Variants in SLA2 observed in about 807,000 individuals in gnomAD.
SLA2 encodes Src like adaptor 2, also known as src-like-adapter 2.
In SLA2, 22 loss-of-function variants were observed where a neutral mutation model predicts 27.3. That is an observed-to-expected ratio of 0.81 (90% CI 0.58 to 1.15). The LOEUF (loss-of-function observed/expected upper bound fraction) is 1.15. SLA2 is among the 50% of genes most tolerant of loss of function. The pLI is 0.00. For missense variants in SLA2, 304 were observed against 322.2 expected (o/e 0.94, Z 0.43); for synonymous variants, 131 against 137.8 (o/e 0.95, Z 0.34).
chr20:36,634,441 G>T, intron 3 of SLA2, 49 bp downstream of exon 3: 1 of 1,371,460 alleles, frequency 7.3e-7, no homozygotes, highest in East Asian at 2.4e-5. Flanking sequence ...ACACCACCAT[G>T]CCTGGCTCTA....
At chr20:36,641,553 C>T (rs1434992697) in intron 1 of SLA2, among the ~76,000 whole-genome samples, 175 bp from the exon 2 acceptor site, 4 of 152,130 alleles carry the variant, frequency 2.6e-5, no homozygotes, top group East Asian at 1.9e-4. Context: ...GCACATTGGA[C>T]GCTGTTTTCT....
rs1978285598 is a variant in SLA2, at chr20:36,643,887, G to A, written c.-44+1950C>T. Among the ~76,000 whole-genome samples, 2 of 152,124 alleles carry A rather than the reference G, an allele frequency of 1.3e-5. 1 individual carries two copies. Among genetic ancestry groups the A allele is most frequent in the South Asian group, 4.1e-4 (2 of 4,822 alleles). ...GAATCACTTGAACCTGGGAGGCAGG[G>A]GCTGCAGTGAGCCGAGATTGTGCCA... On this transcript the variant is annotated intron_variant, in intron 1 of 7. Coordinates refer to ENST00000262866, the MANE Select transcript of SLA2 (RefSeq NM_032214.4).
intron 2 of SLA2, among the ~76,000 whole-genome samples, chr20:36,636,245 G>A (rs1568608781): frequency 1.3e-5 from 2 of 148,906 alleles, no homozygotes; most frequent in African/African-American, 5.1e-5. Flanking sequence ...GTGAAACCCC[G>A]TCTCTACTAA....
At chr20:36,628,216 G>C (rs2039358659) in intron 5 of SLA2, among the ~76,000 whole-genome samples, 2 of 152,146 alleles carry the variant, frequency 1.3e-5, no homozygotes, top group South Asian at 4.1e-4. Context: ...ACTCAAGTCT[G>C]AGAACCACTG....
chr20:36,620,409 G>A (rs2147980176), intron 5 of SLA2: 1 of 192,042 alleles, frequency 5.2e-6, no homozygotes, highest in Admixed American at 6.2e-5. Context: ...AAATAAAGAA[G>A]ATACAGAAGA....
intron 7 of SLA2, 38 bp downstream of exon 7, chr20:36,614,267 G>C (rs751044815): frequency 1.2e-6 from 2 of 1,613,906 alleles, no homozygotes; most frequent in Non-Finnish European, 1.7e-6. Context: ...TCTAACTCTT[G>C]GTCCTGCTTT....
At chr20:36,633,302 A>C (rs1264720995) in intron 4 of SLA2, among the ~76,000 whole-genome samples, 1 of 151,958 alleles carries the variant, frequency 6.6e-6, no homozygotes, top group African/African-American at 2.4e-5. Context: ...GATCCTGGCA[A>C]CCTCCAAAGC....
chr20:36,640,882 C>G (rs1043778033), intron 2 of SLA2, among the ~76,000 whole-genome samples: 1 of 152,098 alleles, frequency 6.6e-6, no homozygotes, highest in African/African-American at 2.4e-5. Context: ...GACAGTGCAG[C>G]TCTGGGGGCT....
chr20:36,615,044 C>T (rs1000261678), intron 6 of SLA2, 181 bp downstream of exon 6: 89 of 985,208 alleles, frequency 9.0e-5, no homozygotes, highest in Non-Finnish European at 1.0e-4. Context: ...TGCCAGGGCA[C>T]GAGGTGAAGA....
chr20:36,628,890 G>A (rs1415686438), intron 5 of SLA2, among the ~76,000 whole-genome samples: 1 of 151,710 alleles, frequency 6.6e-6, no homozygotes, highest in African/African-American at 2.4e-5. Flanking sequence ...AATCAACCAT[G>A]ACCCGCAGGA....
chr20:36,615,978 A>G (rs1183444596), intron 5 of SLA2, among the ~76,000 whole-genome samples: 4 of 152,274 alleles, frequency 2.6e-5, no homozygotes, highest in Non-Finnish European at 5.9e-5. Flanking sequence ...GTAAAAATTA[A>G]TAACTGCTAC....
chr20:36,624,678 G>C (rs897140147), intron 5 of SLA2, among the ~76,000 whole-genome samples: 1 of 152,240 alleles, frequency 6.6e-6, no homozygotes, highest in Admixed American at 6.5e-5. Flanking sequence ...CACTCCTACT[G>C]TCTGTGAGCA....
chr20:36,636,904 T>C (rs1482162167), intron 2 of SLA2, among the ~76,000 whole-genome samples: 1 of 151,738 alleles, frequency 6.6e-6, no homozygotes, highest in Non-Finnish European at 1.5e-5. Flanking sequence ...TGAGCCAAGA[T>C]GGCGCCATTG....
chr20:36,641,095 C>G (rs749879176), intron 2 of SLA2, 150 bp downstream of exon 2: 9 of 633,998 alleles, frequency 1.4e-5, no homozygotes, highest in Non-Finnish European at 2.6e-5. Context: ...AGGGACCCTG[C>G]TGTATGGCTC....
chr20:36,614,874 A>AG, intron 6 of SLA2: 2 of 985,412 alleles, frequency 2.0e-6, no homozygotes, highest in Non-Finnish European at 2.4e-6. Context: ...GACAGGCACC[A>AG]GGAAGTACTA....
chr20:36,614,811 C>G, intron 6 of SLA2: 3 of 985,438 alleles, frequency 3.0e-6, no homozygotes, highest in Non-Finnish European at 3.6e-6. Context: ...GCTCTTCCCT[C>G]TCTGCCCCCT....
At chr20:36,636,738 G>A (rs1297508904) in intron 2 of SLA2, among the ~76,000 whole-genome samples, 5 of 150,500 alleles carry the variant, frequency 3.3e-5, no homozygotes, top group East Asian at 2.0e-4. Flanking sequence ...GCCTGAGGTC[G>A]GGAGTTCCAG....
At chr20:36,639,597 T>C in intron 2 of SLA2, among the ~76,000 whole-genome samples, 1 of 151,960 alleles carries the variant, frequency 6.6e-6, no homozygotes, top group East Asian at 1.9e-4. Flanking sequence ...CTCACGCCTG[T>C]AATCCCAGCA....
In SLA2 at chr20:36,634,965, C is replaced by T. The variant is rs2039430091; in HGVS notation, c.92-376G>A. Among the ~76,000 whole-genome samples, 3 of 152,120 alleles carry T rather than the reference C, an allele frequency of 2.0e-5. No homozygotes were observed. The South Asian group carries it at 6.2e-4, about 32-fold the overall frequency. ...GCCTCAGCCTCCTGAGTGGCTGGGA[C>T]TACAGGTGTGCACCACTACACCCGG... On this transcript the variant is annotated intron_variant, in intron 2 of 7. Coordinates refer to ENST00000262866, the MANE Select transcript of SLA2 (RefSeq NM_032214.4).
Sources: allele counts gnomAD v4.1 joint callset (sites outside exome capture counted in the v4.1 genomes callset), GRCh38; gene constraint gnomAD v4.1.1; transcripts MANE v1.5; gene names NCBI Gene and HGNC (gene_info 2026-07-23, HGNC 2026-07-21).